ADAMTS2: variants seen among roughly 807,000 people sequenced by gnomAD.
ADAMTS2 encodes ADAM metallopeptidase with thrombospondin type 1 motif 2, also known as A disintegrin and metalloproteinase with thrombospondin motifs 2.
Under a neutral mutation model 123.0 loss-of-function variants are expected in ADAMTS2, and 50 were observed. The observed-to-expected ratio is 0.41, with a 90% CI of 0.32 to 0.51. The LOEUF is 0.51. Ranked by LOEUF, ADAMTS2 falls within the 20% of genes least tolerant of loss-of-function variation. The pLI is 0.35. For synonymous variants in ADAMTS2, 678 were observed against 695.4 expected (o/e 0.98, Z 0.39); for missense variants, 1,494 against 1,705.2 (o/e 0.88, Z 2.18).
At chr5:179,122,950 T>C in intron 19 of ADAMTS2, 177 bp from the exon 20 acceptor site, 1 of 848,542 alleles carries the variant, frequency 1.2e-6, no homozygotes. Flanking sequence ...AGCCCCAATC[T>C]CCTGGGGCTC....
At chr5:179,186,763 C>A in intron 4 of ADAMTS2, among the ~76,000 whole-genome samples, 1 of 152,064 alleles carries the variant, frequency 6.6e-6, no homozygotes, top group Non-Finnish European at 1.5e-5. Flanking sequence ...CCCCTCCTCC[C>A]CCGGCCCCAC....
In ADAMTS2 at chr5:179,234,904, G is replaced by A. The variant is rs922143895; in HGVS notation, c.689-27189C>T. Among the ~76,000 whole-genome samples, 13 of 152,148 alleles carry A rather than the reference G, an allele frequency of 8.5e-5. No individual in the cohort carries two copies. Among genetic ancestry groups the A allele is most frequent in the African/African-American group, 1.9e-4 (8 of 41,450 alleles). ...CTTCCCAAGCCTAGCAGACCCGTGC[G>A]GGAGTGCGAGCACACTGGCTAGGGC... On this transcript the variant is annotated intron_variant, in intron 3 of 21. Coordinates refer to ENST00000251582, the MANE Select transcript of ADAMTS2 (RefSeq NM_014244.5). This position sits in a 1 kb window ranked among gnomAD's most constrained non-coding sequence, Gnocchi z 4.7.
intron 5 of ADAMTS2, among the ~76,000 whole-genome samples, chr5:179,163,964 G>T (rs1763648993): frequency 6.6e-6 from 1 of 152,122 alleles, no homozygotes; most frequent in South Asian, 2.1e-4. Context: ...AGCTGCACTG[G>T]GGCCAGGGGA....
chr5:179,137,308 C>T (rs538946239), intron 12 of ADAMTS2, among the ~76,000 whole-genome samples: 10 of 152,364 alleles, frequency 6.6e-5, no homozygotes, highest in Admixed American at 3.3e-4. Context: ...CTCCTCAGGT[C>T]CCTGAGCCAA....
intron 3 of ADAMTS2, among the ~76,000 whole-genome samples, chr5:179,269,426 A>G (rs952312872): frequency 6.6e-6 from 1 of 152,144 alleles, no homozygotes; most frequent in African/African-American, 2.4e-5. Flanking sequence ...ATGGCAGAAG[A>G]TGAAAGGCAC....
In ADAMTS2 at chr5:179,319,116, C is replaced by A. The variant is rs572007420; in HGVS notation, c.534+24651G>T. ...CTCCCACATGCAGCATGCATGCACC[C>A]ACATACAAATGTCCATACGCATCAC... On this transcript the variant is annotated intron_variant, in intron 2 of 21. Coordinates refer to ENST00000251582, the MANE Select transcript of ADAMTS2 (RefSeq NM_014244.5). Among the ~76,000 whole-genome samples, 5 of 152,270 alleles carry A rather than the reference C, an allele frequency of 3.3e-5. No individual in the cohort carries two copies. The East Asian group carries it at 9.7e-4, about 29-fold the overall frequency.
intron 3 of ADAMTS2, among the ~76,000 whole-genome samples, chr5:179,265,983 C>T (rs953076084): frequency 6.6e-5 from 10 of 152,246 alleles, no homozygotes; most frequent in Non-Finnish European, 1.3e-4. Context: ...GCAACAGTGG[C>T]TTGGCAGGGC....
chr5:179,190,895 C>T (rs1455203160), intron 4 of ADAMTS2, among the ~76,000 whole-genome samples: 5 of 152,274 alleles, frequency 3.3e-5, no homozygotes, highest in African/African-American at 1.2e-4. Flanking sequence ...TGCACATGCC[C>T]CTGTGTTTTC....
chr5:179,243,120 A>C (rs1284438894), intron 3 of ADAMTS2, among the ~76,000 whole-genome samples: 1 of 151,038 alleles, frequency 6.6e-6, no homozygotes, highest in Admixed American at 6.6e-5. Context: ...TGAGAACAAC[A>C]ACCTGAACCA....
intron 3 of ADAMTS2, among the ~76,000 whole-genome samples, chr5:179,215,959 A>G (rs544441546): frequency 6.6e-6 from 1 of 152,336 alleles, no homozygotes; most frequent in South Asian, 2.1e-4. Flanking sequence ...ATGAAAGTGG[A>G]ATAAGGACAT....
At chr5:179,292,724 C>T (rs1164434907) in intron 2 of ADAMTS2, among the ~76,000 whole-genome samples, 2 of 152,030 alleles carry the variant, frequency 1.3e-5, no homozygotes, top group Non-Finnish European at 2.9e-5. Flanking sequence ...GACTCTCTCT[C>T]CTTGCAAGAT....
Position 179,125,006 on chromosome 5 carries a change from G to A in ADAMTS2, c.2925C>T (p.Cys975=), listed in dbSNP as rs1762828613. The change falls in exon 19 of 22, where the codon TGC becomes TGT. Residue 975 remains cysteine (C), a synonymous_variant. Coordinates refer to ENST00000251582, the MANE Select transcript of ADAMTS2 (RefSeq NM_014244.5). ...ESRRACSREL[C]PGRWRAGPWS... is the part of the protein sequence containing the mutation. Reference sequence around the variant, plus strand: ...AGGGCCCGGCTCGCCAACGACCAGGGCAGAGCTCGCGGCTGCAGGCCCGGC... The same window carrying A: ...AGGGCCCGGCTCGCCAACGACCAGGACAGAGCTCGCGGCTGCAGGCCCGGC... The A allele has an allele frequency of 6.2e-7, 1 of 1,606,804 alleles. No homozygotes were observed. Among genetic ancestry groups the A allele is most frequent in the Non-Finnish European group, 8.5e-7 (1 of 1,178,388 alleles).
rs770094463 is a variant in ADAMTS2, at chr5:179,140,799, C to CTTTTTTTTTTTT, written c.1630-776_1630-765dup. Among the ~76,000 whole-genome samples, 487 of 90,426 alleles carry CTTTTTTTTTTTT rather than the reference C, an allele frequency of 5.4e-3. 57 individuals are homozygous for CTTTTTTTTTTTT. Among genetic ancestry groups the CTTTTTTTTTTTT allele is most frequent in the African/African-American group, 7.6e-3 (173 of 22,630 alleles). The allele number at this position is 90,426 out of a possible 152,430, so 59.3% of individuals were successfully genotyped here. On this transcript the variant is annotated intron_variant, in intron 10 of 21. Transcript: ENST00000251582. The stretch of plus-strand genomic sequence containing the variant: ...TTTCCTTCAGTTCCGACTGCATGCT[C>CTTTTTTTTTTTT]TTTTTTTTTTTTTTTTTTTGAGACA...
In ADAMTS2 at chr5:179,225,963, C is replaced by G. The variant is rs773694486; in HGVS notation, c.689-18248G>C. Among the ~76,000 whole-genome samples, 1 of 152,152 alleles carries G rather than the reference C, an allele frequency of 6.6e-6. No individual in the cohort carries two copies. Among genetic ancestry groups the G allele is most frequent in the Admixed American group, 6.5e-5 (1 of 15,278 alleles). On this transcript the variant is annotated intron_variant, in intron 3 of 21. Transcript: ENST00000251582. The surrounding 1 kb of genome is among the most constrained non-coding windows in gnomAD (Gnocchi z 4.5). ...AAAGTAAAAGAGCACATGCAGCACA[C>G]GCCCACTGGGGCTTCAGGGGCTGCA... is the stretch of plus-strand genomic sequence containing the variant.
At chr5:179,297,185 C>T (rs1242048488) in intron 2 of ADAMTS2, among the ~76,000 whole-genome samples, 1 of 152,134 alleles carries the variant, frequency 6.6e-6, no homozygotes, top group African/African-American at 2.4e-5. Flanking sequence ...GACAGGTCTC[C>T]TAGACCACAG....
intron 3 of ADAMTS2, among the ~76,000 whole-genome samples, chr5:179,265,271 C>A (rs149221202): frequency 1.4e-4 from 21 of 152,250 alleles, no homozygotes; most frequent in African/African-American, 4.3e-4. Flanking sequence ...CAGGCCCTTG[C>A]CAGCCACATT....
intron 3 of ADAMTS2, among the ~76,000 whole-genome samples, chr5:179,265,935 C>T (rs1766357552): frequency 6.6e-6 from 1 of 152,246 alleles, no homozygotes. Flanking sequence ...GAGAAGACTC[C>T]AGGGATCCAG....
Position 179,234,491 on chromosome 5 carries a change from C to A in ADAMTS2, c.689-26776G>T, listed in dbSNP as rs1038034421. 1.3e-5 allele frequency among the ~76,000 whole-genome samples: 2 copies of A among 151,864 alleles called. No individual in the cohort carries two copies. The highest frequency in any genetic ancestry group is 4.9e-5 in the African/African-American group (2 of 41,220). On this transcript the variant is annotated intron_variant, in intron 3 of 21. Coordinates refer to ENST00000251582, the MANE Select transcript of ADAMTS2 (RefSeq NM_014244.5). This position sits in a 1 kb window ranked among gnomAD's most constrained non-coding sequence, Gnocchi z 4.7. Reference sequence around the variant, plus strand: ...ACACCTGCTGCTTTGACCTCCATGACCATGGACCTGCTGACAGGTGCCCCC... The same window carrying A: ...ACACCTGCTGCTTTGACCTCCATGAACATGGACCTGCTGACAGGTGCCCCC...
At chr5:179,336,073 G>A (rs969669548) in intron 2 of ADAMTS2, among the ~76,000 whole-genome samples, 1 of 152,220 alleles carries the variant, frequency 6.6e-6, no homozygotes, top group Non-Finnish European at 1.5e-5. Flanking sequence ...ATGAATCCCG[G>A]ACATTCTGCA....
Sources: allele counts gnomAD v4.1 joint callset (sites outside exome capture counted in the v4.1 genomes callset), GRCh38; gene constraint gnomAD v4.1.1; non-coding constraint Gnocchi (gnomAD v3.1); transcripts MANE v1.5; gene names NCBI Gene and HGNC (gene_info 2026-07-23, HGNC 2026-07-21).